The following CIDEC variants were observed in gnomAD, a reference collection of about 807,000 sequenced individuals.
CIDEC encodes cell death inducing DFFA like effector c.
CIDEC carries 11 observed loss-of-function variants against 21.9 expected under a neutral mutation model. The observed-to-expected ratio is 0.50, with a 90% CI of 0.32 to 0.83. The LOEUF is 0.83. Among genes scored for constraint, CIDEC ranks in the 40% least tolerant of loss-of-function variants. The pLI is 0.04. For synonymous variants in CIDEC, 127 were observed against 124.9 expected (o/e 1.02, Z -0.11); for missense variants, 302 against 302.3 (o/e 1.00, Z 0.01).
At chr3:9,873,331 GC>G (rs1359197782) in intron 4 of CIDEC, among the ~76,000 whole-genome samples, 1 of 152,214 alleles carries the variant, frequency 6.6e-6, no homozygotes, top group African/African-American at 2.4e-5. Context: ...TGTCATGACG[GC>G]CGGGTGCAGT....
intron 4 of CIDEC, among the ~76,000 whole-genome samples, 183 bp downstream of exon 4, chr3:9,876,883 C>G (rs1559252778): frequency 1.3e-5 from 2 of 152,160 alleles, no homozygotes; most frequent in South Asian, 2.1e-4. Flanking sequence ...GTACTGCCCC[C>G]CTCCTGTTAC....
chr3:9,877,198 A>G lies in CIDEC; in HGVS notation c.75T>C (p.Ser25=), dbSNP rs1243862719. Residue 25 remains serine, a synonymous_variant, in exon 4 of 7, where the codon TCT becomes TCC. Transcript: ENST00000336832. ...CCGACAGCAGCTGCTGGGTCACCACAGAGGTACGCACTGACACATGCCTGG... is the reference window on the plus strand; with the variant it reads ...CCGACAGCAGCTGCTGGGTCACCACGGAGGTACGCACTGACACATGCCTGG... ...SLSRHVSVRT[S]VVTQQLLSEP... 2 of 1,550,512 alleles carry G rather than the reference A, an allele frequency of 1.3e-6. No individual in the cohort carries two copies. Among genetic ancestry groups the G allele is most frequent in the South Asian group, 1.2e-5 (1 of 84,008 alleles).
chr3:9,869,521 A>ATTACAG (rs2082316481), intron 6 of CIDEC, among the ~76,000 whole-genome samples: 3 of 152,274 alleles, frequency 2.0e-5, no homozygotes, highest in African/African-American at 7.2e-5. Context: ...AAGTGCTGGG[A>ATTACAG]TTACAGGCAT....
Position 9,876,757 on chromosome 3 carries a change from CAAAAAAAAAAAAAAA to C in CIDEC, c.207+294_207+308del, listed in dbSNP as rs6147705. On this transcript the variant is annotated intron_variant, in intron 4 of 6. Transcript: ENST00000336832. ...GGATGACAAGAGTGAGACTTCGTCT[CAAAAAAAAAAAAAAA>C]AAAAAAAAAAAACTAATGGAAGTGG... Among the ~76,000 whole-genome samples, 31,528 of 68,094 alleles carry C rather than the reference CAAAAAAAAAAAAAAA, an allele frequency of 0.46. 3,783 individuals carry two copies. Among genetic ancestry groups the C allele is most frequent in the Admixed American group, 0.53 (4,106 of 7,714 alleles). 44.7% of individuals were successfully genotyped at this position (68,094 alleles called of 152,430 possible).
At chr3:9,874,518 AAATAATAAT>A (rs56760493) in intron 4 of CIDEC, among the ~76,000 whole-genome samples, 73,309 of 143,940 alleles carry the variant, frequency 0.51, 19,213 homozygotes, top group East Asian at 0.69. Context: ...CCTTTCTCTA[AAATAATAAT>A]AATAATAATA....
In CIDEC at chr3:9,872,914, G is replaced by A. The variant is rs199663474; in HGVS notation, c.208-2592C>T. Among the ~76,000 whole-genome samples the A allele has an allele frequency of 4.6e-5, 7 of 152,226 alleles. No individual in the cohort carries two copies. The East Asian group carries it at 9.6e-4, about 21-fold the overall frequency. On this transcript the variant is annotated intron_variant, in intron 4 of 6. Transcript: ENST00000336832. ...TGAGGCATGAGAATTGCTTGAGCCC[G>A]CAAGGCAGAGGTTGCAGTGAGCCTA...
rs17222536 is a variant in CIDEC at position 9,867,251 on chromosome 3, G to C, written c.600C>G (p.His200Gln). The change falls in exon 7 of 7, where the codon CAC becomes CAG. Residue 200 changes from histidine (H) to glutamine (Q), a missense_variant. Physicochemically the swap from His to Gln is conservative, Grantham distance 24. Coordinates refer to ENST00000336832, the MANE Select transcript of CIDEC (RefSeq NM_001321142.2). ...WALFSMQATGHVLLGTSCYLQ... is the reference protein window; with the variant it reads ...WALFSMQATGQVLLGTSCYLQ... ...GGTAACAGGAGGTGCCAAGCAGTAC[G>C]TGGCCTGTGGCCTGCATGCTGAAGA... is the stretch of plus-strand genomic sequence containing the variant. 2.3e-5 allele frequency: 37 copies of C among 1,614,128 alleles called. No homozygotes were observed. Among genetic ancestry groups the C allele is most frequent in the Non-Finnish European group, 3.0e-5 (35 of 1,180,016 alleles).
intron 3 of CIDEC, 125 bp downstream of exon 3, chr3:9,878,309 C>A: frequency 5.0e-6 from 4 of 795,154 alleles, no homozygotes; most frequent in Non-Finnish European, 6.7e-6. Flanking sequence ...CACTCCAGAC[C>A]TCCTGAATCA....
chr3:9,874,408 C>T (rs1398720437), intron 4 of CIDEC, among the ~76,000 whole-genome samples: 2 of 151,672 alleles, frequency 1.3e-5, no homozygotes, highest in East Asian at 3.9e-4. Flanking sequence ...CCTAGCGAGT[C>T]GGGAGGCTGA....
chr3:9,868,407 A>T (rs1417718456), intron 6 of CIDEC, among the ~76,000 whole-genome samples: 9 of 152,252 alleles, frequency 5.9e-5, no homozygotes, highest in Non-Finnish European at 1.2e-4. Flanking sequence ...TACTGAGAAC[A>T]GAACCTGAAT....
intron 4 of CIDEC, among the ~76,000 whole-genome samples, chr3:9,875,610 GT>G: frequency 6.6e-6 from 1 of 152,274 alleles, no homozygotes; most frequent in Middle Eastern, 3.4e-3. Context: ...CAATGCTTGA[GT>G]TTCAGGATTC....
rs765025194 is a variant in CIDEC at position 9,870,373 on chromosome 3, G to C, written c.208-51C>G. On this transcript the variant is annotated intron_variant, in intron 4 of 6. Transcript: ENST00000336832. ...CTGCCATCCCAGAACAAGTGGGCTG[G>C]ACTCTATGAGGTGGAACTGGAGCCC... 4 of 1,604,010 alleles carry C rather than the reference G, an allele frequency of 2.5e-6. No individual in the cohort carries two copies. The Admixed American group carries it at 6.7e-5, about 27-fold the overall frequency.
chr3:9,876,757 CAAAAAAAA>C (rs6147705), intron 4 of CIDEC, among the ~76,000 whole-genome samples: 4 of 67,772 alleles, frequency 5.9e-5, no homozygotes, highest in African/African-American at 1.1e-4. Flanking sequence ...GACTTCGTCT[CAAAAAAAA>C]AAAAAAAAAA....
chr3:9,876,079 T>G (rs1559252243), intron 4 of CIDEC, among the ~76,000 whole-genome samples: 2 of 152,216 alleles, frequency 1.3e-5, no homozygotes, highest in Non-Finnish European at 2.9e-5. Flanking sequence ...ATGATTGATT[T>G]CTGTATGTTA....
intron 6 of CIDEC, among the ~76,000 whole-genome samples, chr3:9,868,754 A>T (rs1559247402): frequency 6.6e-6 from 1 of 152,198 alleles, no homozygotes; most frequent in Non-Finnish European, 1.5e-5. Flanking sequence ...TGGAGGGAAG[A>T]TTATTTCATC....
intron 4 of CIDEC, among the ~76,000 whole-genome samples, chr3:9,871,173 A>ATTTTTTTTT (rs59917579): frequency 8.3e-6 from 1 of 120,164 alleles, no homozygotes; most frequent in Non-Finnish European, 1.7e-5. Context: ...TCTATGTTTA[A>ATTTTTTTTT]TTTTTTTTTT....
chr3:9,871,774 A>G (rs279600), intron 4 of CIDEC, among the ~76,000 whole-genome samples: 117,880 of 151,834 alleles, frequency 0.78, 45,851 homozygotes, highest in Middle Eastern at 0.83. Context: ...GGGATTACAG[A>G]CATGTGCCAC....
intron 4 of CIDEC, among the ~76,000 whole-genome samples, chr3:9,871,345 ATTTTT>A (rs58903003): frequency 3.3e-5 from 4 of 120,714 alleles, no homozygotes; most frequent in African/African-American, 6.4e-5. Context: ...TGCCCAGCTA[ATTTTT>A]TTTTTTTTTT....
At position 9,877,051 on chromosome 3, in the gene CIDEC, C is replaced by A; in HGVS notation, c.207+15G>T. The A allele has an allele frequency of 6.5e-7, 1 of 1,549,240 alleles. No homozygotes were observed. On this transcript the variant is annotated intron_variant, in intron 4 of 6. Coordinates refer to ENST00000336832, the MANE Select transcript of CIDEC (RefSeq NM_001321142.2). ...CAGCTCACAGCTGGGCTGTGCAACG[C>A]GCAGGTGCTCTCACCTTGAGGAGGA...
Sources: gnomAD v4.1 joint callset for allele counts (sites outside exome capture counted in the v4.1 genomes callset) on GRCh38, gnomAD v4.1.1 for gene constraint, MANE v1.5 for transcripts, NCBI Gene and HGNC (gene_info 2026-07-23, HGNC 2026-07-21) for gene names.